The following ACLY variants were observed in gnomAD, a reference collection of about 807,000 sequenced individuals.
ACLY encodes the protein ATP-citrate synthase.
A neutral mutation model predicts 133.0 loss-of-function variants in ACLY; 41 were observed. The ratio of observed to expected loss-of-function variants is 0.31; its 90% CI spans 0.24 to 0.40. ACLY has a LOEUF of 0.40. Ranked by LOEUF, ACLY falls within the 10% of genes least tolerant of loss-of-function variation. The probability of loss-of-function intolerance (pLI) is 1.00; values close to 1 mark genes in which losing one functional copy is unlikely to be tolerated. For synonymous variants in ACLY, 495 were observed against 549.3 expected (o/e 0.90, Z 1.38); for missense variants, 1,046 against 1,453.8 (o/e 0.72, Z 4.56).
At chr17:41,907,678 C>A in intron 6 of ACLY, 106 bp from the exon 7 acceptor site, 1 of 1,299,208 alleles carries the variant, frequency 7.7e-7, no homozygotes. Flanking sequence ...CCATTCAGGC[C>A]TCAGAACTCT....
chr17:41,874,028 T>C, intron 22 of ACLY, 63 bp from the exon 23 acceptor site: 2 of 1,468,246 alleles, frequency 1.4e-6, no homozygotes, highest in Non-Finnish European at 1.8e-6. Flanking sequence ...TTTCCAGGAC[T>C]GCCCTGCTGT....
intron 1 of ACLY, among the ~76,000 whole-genome samples, chr17:41,927,433 G>T (rs1289499043): frequency 6.6e-6 from 1 of 152,114 alleles, no homozygotes; most frequent in African/African-American, 2.4e-5. Flanking sequence ...TGATCTGCCC[G>T]CCTGGGCCTC....
chr17:41,892,205 C>T (rs907210426), intron 16 of ACLY, 74 bp downstream of exon 16: 1 of 1,398,726 alleles, frequency 7.1e-7, no homozygotes. Context: ...ACCCTCTGTC[C>T]CCTAGAGCCC....
intron 17 of ACLY, 86 bp from the exon 18 acceptor site, chr17:41,886,394 G>T: frequency 7.5e-7 from 1 of 1,329,272 alleles, no homozygotes; most frequent in Non-Finnish European, 1.0e-6. Context: ...TTACTGCCCA[G>T]CCCCTTCTGG....
Position 41,872,104 on chromosome 17 carries a change from G to A in ACLY, c.2721C>T (p.Ala907=), listed in dbSNP as rs978298950. 2 of 1,613,956 alleles carry A rather than the reference G, an allele frequency of 1.2e-6. No individual in the cohort carries two copies. The highest frequency in any genetic ancestry group is 1.7e-6 in the Non-Finnish European group (2 of 1,180,016). The change falls in exon 24 of 29, where the codon GCC becomes GCT. Residue 907 remains alanine (A), a synonymous_variant. Transcript: ENST00000352035. ...TADHGPAVSG[A]HNTIICARAG... Reference sequence around the variant, plus strand: ...CTCGCGCACAAATGATGGTGTTGTGGGCTCCAGAGACGGCTGGCCCGTGAT... The same window carrying A: ...CTCGCGCACAAATGATGGTGTTGTGAGCTCCAGAGACGGCTGGCCCGTGAT...
chr17:41,909,853 C>T (rs542617101), intron 4 of ACLY, among the ~76,000 whole-genome samples, 153 bp from the exon 5 acceptor site: 10 of 152,312 alleles, frequency 6.6e-5, no homozygotes, highest in Non-Finnish European at 1.5e-4. Context: ...ACCATTCATC[C>T]AGAGACTTGT....
intron 14 of ACLY, among the ~76,000 whole-genome samples, chr17:41,894,378 A>AC (rs2049304284): frequency 1.0e-4 from 1 of 10,002 alleles, no homozygotes; most frequent in Non-Finnish European, 2.2e-4. Flanking sequence ...CCCTGTCTCA[A>AC]AAAAAAAAAA....
At chr17:41,868,837 T>G (rs1555624498) in intron 27 of ACLY, 52 bp from the exon 28 acceptor site, 1 of 1,559,324 alleles carries the variant, frequency 6.4e-7, no homozygotes, top group East Asian at 2.2e-5. Context: ...ACTGCCCTCC[T>G]CCCCACAGAC....
chr17:41,900,495 G>A (rs2049507310), intron 11 of ACLY, among the ~76,000 whole-genome samples: 1 of 152,078 alleles, frequency 6.6e-6, no homozygotes, highest in Admixed American at 6.5e-5. Context: ...AAAGGCAAGA[G>A]GATCACTTGA....
intron 16 of ACLY, among the ~76,000 whole-genome samples, chr17:41,890,977 A>T (rs1039386469): frequency 6.6e-6 from 1 of 152,102 alleles, no homozygotes; most frequent in Admixed American, 6.6e-5. Context: ...CTCAAAAAAA[A>T]AAAATAAATA....
intron 28 of ACLY, 50 bp from the exon 29 acceptor site, chr17:41,867,954 G>T: frequency 7.4e-7 from 1 of 1,342,536 alleles, no homozygotes; most frequent in Non-Finnish European, 1.1e-6. Context: ...TAAGCCTGGT[G>T]AGAGGAAGAG....
chr17:41,900,072 A>AT (rs1555631265), intron 11 of ACLY, among the ~76,000 whole-genome samples: 2 of 119,794 alleles, frequency 1.7e-5, no homozygotes, highest in African/African-American at 8.2e-5. Flanking sequence ...CTGTCTCCAA[A>AT]AAAAAAAAAA....
rs535326430 is a variant in ACLY at position 41,897,855 on chromosome 17, G to A, written c.1339-16C>T. On this transcript the variant is annotated splice_polypyrimidine_tract_variant and intron_variant, in intron 12 of 28. Transcript: ENST00000352035. The stretch of plus-strand genomic sequence containing the variant: ...GGGCTGGCGTCTGGGGTGAGATAAG[G>A]AGAGAGTGTAAGAGGTAAGAGTCAC... 4 of 1,610,544 alleles carry A rather than the reference G, an allele frequency of 2.5e-6. No individual in the cohort carries two copies. Among genetic ancestry groups the A allele is most frequent in the Non-Finnish European group, 2.5e-6 (3 of 1,178,314 alleles).
chr17:41,914,038 T>G, intron 1 of ACLY, 142 bp from the exon 2 acceptor site: 2 of 781,340 alleles, frequency 2.6e-6, no homozygotes, highest in South Asian at 3.6e-5. Flanking sequence ...AAAAATGCTG[T>G]CCCAGCGGGA....
intron 1 of ACLY, among the ~76,000 whole-genome samples, chr17:41,924,525 G>A (rs2050219433): frequency 6.6e-6 from 1 of 152,028 alleles, no homozygotes; most frequent in African/African-American, 2.4e-5. Flanking sequence ...AACAGCCCAA[G>A]ACAGGAGCTT....
chr17:41,883,050 A>T, intron 20 of ACLY, 72 bp downstream of exon 20: 3 of 1,239,710 alleles, frequency 2.4e-6, no homozygotes, highest in Non-Finnish European at 2.3e-6. Context: ...TAAGATGATT[A>T]CCTGGTTCGC....
At chr17:41,869,335 A>G in intron 26 of ACLY, 139 bp downstream of exon 26, 1 of 843,252 alleles carries the variant, frequency 1.2e-6, no homozygotes, top group Non-Finnish European at 1.9e-6. Flanking sequence ...ATGTCTGTTA[A>G]ATTTAGTTAT....
intron 11 of ACLY, among the ~76,000 whole-genome samples, chr17:41,900,821 A>G (rs2049516539): frequency 6.6e-6 from 1 of 151,970 alleles, no homozygotes; most frequent in Admixed American, 6.6e-5. Context: ...TGTGACCTGT[A>G]GTGTCTCGCT....
chr17:41,906,629 G>A lies in ACLY; in HGVS notation c.765C>T (p.Asp255=). The A allele has an allele frequency of 6.2e-7, 1 of 1,614,194 alleles. No individual in the cohort carries two copies. The change falls in exon 8 of 29, where the codon GAC becomes GAT. Residue 255 remains aspartate, a synonymous_variant. Transcript: ENST00000352035. ...EAYPEEAYIA[D]LDAKSGASLK... is the part of the protein sequence containing the mutation. ...GGCTTGCCCCACTTTTGGCATCGAGGTCTGCAATGTAGGCTTCCTGGGGAC... is the reference window on the plus strand; with the variant it reads ...GGCTTGCCCCACTTTTGGCATCGAGATCTGCAATGTAGGCTTCCTGGGGAC...
Sources: allele counts gnomAD v4.1 joint callset (sites outside exome capture counted in the v4.1 genomes callset), GRCh38; gene constraint gnomAD v4.1.1; transcripts MANE v1.5; gene names NCBI Gene and HGNC (gene_info 2026-07-23, HGNC 2026-07-21).